The following RSPO2 variants were observed in gnomAD, a reference collection of about 807,000 sequenced individuals.
RSPO2 encodes R-spondin 2, also known as R-spondin-2.
A neutral mutation model predicts 30.9 loss-of-function variants in RSPO2; 14 were observed. The ratio of observed to expected loss-of-function variants is 0.45; its 90% CI spans 0.30 to 0.71. RSPO2 has a LOEUF of 0.71. Among genes scored for constraint, RSPO2 ranks in the 30% least tolerant of loss-of-function variants. The pLI, the probability that RSPO2 is intolerant of heterozygous loss-of-function variation, is 0.08. For synonymous variants in RSPO2, 107 were observed against 96.4 expected (o/e 1.11, Z -0.64); for missense variants, 264 against 301.9 (o/e 0.87, Z 0.93).
At chr8:108,073,740 A>G (rs1812926118) in intron 2 of RSPO2, among the ~76,000 whole-genome samples, 1 of 152,212 alleles carries the variant, frequency 6.6e-6, no homozygotes, top group Admixed American at 6.5e-5. Flanking sequence ...TTTAACAACT[A>G]TTGTCTTTGA....
chr8:108,022,056 A>G (rs924267562), intron 2 of RSPO2, among the ~76,000 whole-genome samples: 12 of 152,138 alleles, frequency 7.9e-5, no homozygotes, highest in South Asian at 2.1e-4. Flanking sequence ...AACTCCCACC[A>G]CATCTTCTAG....
At chr8:107,997,545 T>C (rs1465250322) in intron 2 of RSPO2, among the ~76,000 whole-genome samples, 1 of 152,008 alleles carries the variant, frequency 6.6e-6, no homozygotes, top group Non-Finnish European at 1.5e-5. Context: ...ATCCTGAAAA[T>C]AGTCATAAAC....
rs1586588038 is a variant in RSPO2 at position 107,969,788 on chromosome 8, T to C, written c.284-8971A>G. Among the ~76,000 whole-genome samples, 4 of 152,298 alleles carry C rather than the reference T, an allele frequency of 2.6e-5. No homozygotes were observed. The South Asian group carries it at 8.3e-4, about 32-fold the overall frequency. On this transcript the variant is annotated intron_variant, in intron 3 of 5. Coordinates refer to ENST00000276659, the MANE Select transcript of RSPO2 (RefSeq NM_178565.5). ...AATTGTAAACCAAATTAGTATCTCA[T>C]ATCAGATTTTAAATTCCTGCCATTA...
At chr8:107,916,844 T>C (rs948823562) in intron 5 of RSPO2, among the ~76,000 whole-genome samples, 16 of 152,332 alleles carry the variant, frequency 1.1e-4, no homozygotes, top group East Asian at 7.7e-4. Context: ...AGAAAATTAA[T>C]CTGTTGTGTA....
intron 5 of RSPO2, among the ~76,000 whole-genome samples, chr8:107,914,986 A>G (rs913114471): frequency 4.6e-5 from 7 of 152,162 alleles, no homozygotes; most frequent in African/African-American, 1.7e-4. Flanking sequence ...TGACCATTGA[A>G]TCTTAAATTC....
chr8:108,065,439 G>A (rs1812636632), intron 2 of RSPO2, among the ~76,000 whole-genome samples: 1 of 151,928 alleles, frequency 6.6e-6, no homozygotes, highest in Non-Finnish European at 1.5e-5. Context: ...AATGTATAAT[G>A]AGCCCTTTAA....
At chr8:107,946,220 G>C (rs577414124) in intron 5 of RSPO2, among the ~76,000 whole-genome samples, 1 of 152,154 alleles carries the variant, frequency 6.6e-6, no homozygotes, top group South Asian at 2.1e-4. Flanking sequence ...TGTTATCCCC[G>C]TAACATAGAT....
chr8:107,910,879 G>A (rs73700335), intron 5 of RSPO2, among the ~76,000 whole-genome samples: 19,529 of 152,092 alleles, frequency 0.13, 1,502 homozygotes, highest in Middle Eastern at 0.32. Context: ...ACAACATAGG[G>A]AGATCCCATC....
intron 2 of RSPO2, among the ~76,000 whole-genome samples, chr8:108,048,035 T>A (rs1406154829): frequency 6.6e-6 from 1 of 152,116 alleles, no homozygotes; most frequent in Non-Finnish European, 1.5e-5. Flanking sequence ...CTTTATTATG[T>A]GCTAAGTACT....
intron 2 of RSPO2, among the ~76,000 whole-genome samples, chr8:108,054,446 T>C (rs1055232638): frequency 6.6e-6 from 1 of 152,148 alleles, no homozygotes; most frequent in African/African-American, 2.4e-5. Context: ...GGAGGTTTAC[T>C]GGGGCCAGGC....
At chr8:107,990,006 C>A (rs773058461) in intron 2 of RSPO2, among the ~76,000 whole-genome samples, 5 of 151,922 alleles carry the variant, frequency 3.3e-5, no homozygotes, top group East Asian at 1.9e-4. Context: ...ACCTAAAAAA[C>A]CAGAAATAAG....
At chr8:107,918,065 T>C (rs539206022) in intron 5 of RSPO2, among the ~76,000 whole-genome samples, 5 of 152,296 alleles carry the variant, frequency 3.3e-5, no homozygotes, top group Admixed American at 1.3e-4. Context: ...TCTTCATAAA[T>C]ATCAAGCATA....
chr8:108,013,843 G>C (rs1810785009), intron 2 of RSPO2, among the ~76,000 whole-genome samples: 1 of 152,144 alleles, frequency 6.6e-6, no homozygotes, highest in Non-Finnish European at 1.5e-5. Flanking sequence ...AAGCCAAATT[G>C]ACAAATGGGA....
At chr8:108,002,320 A>G (rs184140680) in intron 2 of RSPO2, among the ~76,000 whole-genome samples, 2 of 152,290 alleles carry the variant, frequency 1.3e-5, no homozygotes, top group Admixed American at 1.3e-4. Flanking sequence ...GAAGAAAACA[A>G]ACTGCTCACA....
chr8:107,912,754 T>A (rs778241212), intron 5 of RSPO2, among the ~76,000 whole-genome samples: 20 of 152,120 alleles, frequency 1.3e-4, no homozygotes, highest in Admixed American at 3.9e-4. Context: ...ACTAAAAAGA[T>A]GAGAAAAGTA....
chr8:107,959,736 T>C (rs1813556034), intron 4 of RSPO2, among the ~76,000 whole-genome samples: 1 of 152,226 alleles, frequency 6.6e-6, no homozygotes, highest in Non-Finnish European at 1.5e-5. Context: ...CTTATTTTAA[T>C]AGTGGTGCCT....
chr8:107,931,285 C>T (rs1336284347), intron 5 of RSPO2, among the ~76,000 whole-genome samples: 1 of 152,058 alleles, frequency 6.6e-6, no homozygotes, highest in East Asian at 1.9e-4. Context: ...CTTTATTCTC[C>T]CCGTATCCTC....
intron 3 of RSPO2, among the ~76,000 whole-genome samples, chr8:107,987,335 CA>C (rs1423420095): frequency 6.6e-6 from 1 of 152,132 alleles, no homozygotes; most frequent in Non-Finnish European, 1.5e-5. Flanking sequence ...TATCTTAAAG[CA>C]ATCTCTTTAG....
chr8:107,967,198 C>T (rs1381601396), intron 3 of RSPO2, among the ~76,000 whole-genome samples: 1 of 152,124 alleles, frequency 6.6e-6, no homozygotes, highest in Non-Finnish European at 1.5e-5. Flanking sequence ...CAGTTTGTTC[C>T]CAAAACATTC....
Sources: gnomAD v4.1 joint callset for allele counts (sites outside exome capture counted in the v4.1 genomes callset) on GRCh38, gnomAD v4.1.1 for gene constraint, MANE v1.5 for transcripts, NCBI Gene and HGNC (gene_info 2026-07-23, HGNC 2026-07-21) for gene names.